Variants in CHIC2 observed in about 807,000 individuals in gnomAD.
The protein encoded by CHIC2 is cysteine rich hydrophobic domain 2, also known as cysteine-rich hydrophobic domain-containing protein 2.
In CHIC2, 14 loss-of-function variants were observed where a neutral mutation model predicts 25.9. The observed-to-expected ratio is 0.54, with a 90% CI of 0.36 to 0.85. The LOEUF is 0.85. Among genes scored for constraint, CHIC2 ranks in the 40% least tolerant of loss-of-function variants. CHIC2 has a pLI of 0.01. For missense variants in CHIC2, 146 were observed against 202.0 expected, an observed-to-expected ratio of 0.72 and a Z score of 1.68; for synonymous variants, 70 against 72.0, an observed-to-expected ratio of 0.97 and a Z score of 0.14.
At chr4:54,068,113 G>A (rs1438856092), upstream of CHIC2, among the ~76,000 whole-genome samples, 2 of 151,930 alleles carry the variant, frequency 1.3e-5, no homozygotes, top group Non-Finnish European at 1.5e-5. Context: ...CAAGAAGACA[G>A]TCATCTGCAA....
intron 1 of CHIC2, among the ~76,000 whole-genome samples, chr4:54,062,881 T>TAAGAAG (rs1717379418): frequency 6.6e-6 from 1 of 152,242 alleles, no homozygotes; most frequent in African/African-American, 2.4e-5. Context: ...TTGGTTATAC[T>TAAGAAG]TCTTAAGCTG....
the CHIC2 span, among the ~76,000 whole-genome samples, chr4:54,091,346 G>T: frequency 6.6e-6 from 1 of 152,178 alleles, no homozygotes; most frequent in Non-Finnish European, 1.5e-5. Flanking sequence ...CAAGAGGAAG[G>T]CGTGCCTAGT....
chr4:54,056,564 A>C (rs1560397999), intron 1 of CHIC2, among the ~76,000 whole-genome samples: 1 of 152,176 alleles, frequency 6.6e-6, no homozygotes, highest in East Asian at 1.9e-4. Context: ...TATGACTACA[A>C]TGCAAGATCA....
Position 54,064,106 on chromosome 4 carries a change from G to T in CHIC2, c.119+76C>A. On this transcript the variant is annotated intron_variant, in intron 1 of 5. Coordinates refer to ENST00000263921, the MANE Select transcript of CHIC2 (RefSeq NM_012110.4). This position sits in a 1 kb window ranked among gnomAD's most constrained non-coding sequence, Gnocchi z 4.2. ...GCCCCCGACACCAGACGGACACAGG[G>T]GAAACGGGGCTCCCGTGGAGTAACG... 7.6e-7 allele frequency: 1 copy of T among 1,312,512 alleles called. No homozygotes were observed. The highest frequency in any genetic ancestry group is 1.1e-6 in the Non-Finnish European group (1 of 935,504). 81.3% of individuals were successfully genotyped at this position (1,312,512 alleles called of 1,614,324 possible).
intron 3 of CHIC2, among the ~76,000 whole-genome samples, chr4:54,043,742 C>T (rs1716672836): frequency 6.6e-6 from 1 of 152,128 alleles, no homozygotes; most frequent in Non-Finnish European, 1.5e-5. Flanking sequence ...GAAACTGCAT[C>T]AACTAACGAG....
upstream of CHIC2, among the ~76,000 whole-genome samples, chr4:54,066,807 G>A (rs1195164316): frequency 1.3e-5 from 2 of 152,150 alleles, no homozygotes; most frequent in Non-Finnish European, 2.9e-5. Context: ...TAAAGGAACA[G>A]CTGCAAATGG....
the CHIC2 span, among the ~76,000 whole-genome samples, chr4:54,089,633 C>G: frequency 5.3e-5 from 8 of 152,302 alleles, no homozygotes; most frequent in South Asian, 1.7e-3. Flanking sequence ...TTTTGTGCCA[C>G]TGTGAAAATA....
the CHIC2 span, among the ~76,000 whole-genome samples, chr4:54,072,876 C>T: frequency 1.1e-4 from 16 of 152,220 alleles, no homozygotes; most frequent in Admixed American, 3.9e-4. Context: ...ATCAAGACCA[C>T]CCTGGCTAAC....
At chr4:54,052,014 T>C (rs1174887057) in intron 1 of CHIC2, among the ~76,000 whole-genome samples, 1 of 152,208 alleles carries the variant, frequency 6.6e-6, no homozygotes, top group Non-Finnish European at 1.5e-5. Flanking sequence ...GCAAGTCTTC[T>C]TTCATATAGC....
At chr4:54,079,526 G>T in the CHIC2 span, among the ~76,000 whole-genome samples, 59 of 152,076 alleles carry the variant, frequency 3.9e-4, no homozygotes, top group African/African-American at 1.4e-3. Flanking sequence ...ATCAGAGAAG[G>T]GGTTAGTATT....
the CHIC2 span, among the ~76,000 whole-genome samples, chr4:54,088,673 C>T: frequency 6.6e-6 from 1 of 152,144 alleles, no homozygotes; most frequent in African/African-American, 2.4e-5. Context: ...CCTGATCAGA[C>T]TTCTATTTCA....
the CHIC2 span, among the ~76,000 whole-genome samples, chr4:54,081,093 T>G: frequency 6.6e-6 from 1 of 151,426 alleles, no homozygotes; most frequent in East Asian, 1.9e-4. Context: ...AAAAAAGACT[T>G]AGGTCTGAAT....
intron 3 of CHIC2, among the ~76,000 whole-genome samples, chr4:54,040,168 CAG>C: frequency 6.6e-6 from 1 of 152,222 alleles, no homozygotes; most frequent in East Asian, 1.9e-4. Flanking sequence ...TCAAAAATCA[CAG>C]AACTGTTTAT....
chr4:54,064,702 T>G, upstream of CHIC2: 1 of 994,138 alleles, frequency 1.0e-6, no homozygotes, highest in Non-Finnish European at 1.2e-6. This position sits in a 1 kb window ranked among gnomAD's most constrained non-coding sequence, Gnocchi z 4.2. Flanking sequence ...CGTGGGCGCG[T>G]GGGCGAGCGG....
At chr4:54,049,379 G>T in intron 1 of CHIC2, 74 bp from the exon 2 acceptor site, 3 of 951,102 alleles carry the variant, frequency 3.2e-6, no homozygotes, top group Non-Finnish European at 4.7e-6. Context: ...TAATTTAAAG[G>T]TCAAGTCAAT....
the CHIC2 span, among the ~76,000 whole-genome samples, chr4:54,080,942 G>GTATATATATA: frequency 1.1e-3 from 108 of 101,106 alleles, no homozygotes; most frequent in East Asian, 1.7e-3. Context: ...ATGTGTGTGT[G>GTATATATATA]TATATATATA....
chr4:54,010,832 C>A (rs1383703040), intron 5 of CHIC2, among the ~76,000 whole-genome samples: 1 of 152,020 alleles, frequency 6.6e-6, no homozygotes, highest in African/African-American at 2.4e-5. Context: ...AATATGTAAT[C>A]TTTAGATAAA....
intron 1 of CHIC2, chr4:54,060,761 TA>T (rs1429680292): frequency 1.3e-5 from 2 of 152,170 alleles, no homozygotes; most frequent in Non-Finnish European, 2.9e-5. Flanking sequence ...GACTACCTAA[TA>T]GTCTTTTTAC....
In CHIC2 at chr4:54,064,228, A is replaced by T; in HGVS notation, c.73T>A (p.Tyr25Asn). The T allele has an allele frequency of 1.2e-6, 2 of 1,608,948 alleles. No homozygotes were observed. Among genetic ancestry groups the T allele is most frequent in the South Asian group, 2.2e-5 (2 of 90,138 alleles). ...ERALEEQLLK[Y>N]SPDPVVVRGS... is the part of the protein sequence containing the mutation. ...CGGACGACCACCGGGTCCGGCGAGT[A>T]CTTGAGCAGCTGCTCCTCCAGGGCC... The change falls in exon 1 of 6, where the codon TAC (tyrosine) becomes AAC (asparagine). Residue 25 changes from tyrosine to asparagine, a missense_variant. By Grantham distance (143) the Tyr-to-Asn change is moderately radical. Transcript: ENST00000263921. This position sits in a 1 kb window ranked among gnomAD's most constrained non-coding sequence, Gnocchi z 4.2.
Sources: allele counts gnomAD v4.1 joint callset (sites outside exome capture counted in the v4.1 genomes callset), GRCh38; gene constraint gnomAD v4.1.1; non-coding constraint Gnocchi (gnomAD v3.1); transcripts MANE v1.5; gene names NCBI Gene and HGNC (gene_info 2026-07-23, HGNC 2026-07-21).